The following SEMA3E variants were observed in gnomAD, a reference collection of about 807,000 sequenced individuals.
The protein encoded by SEMA3E is semaphorin 3E.
In SEMA3E, 49 loss-of-function variants were observed where a neutral mutation model predicts 93.6. That is an observed-to-expected ratio of 0.52 (90% CI 0.42 to 0.66). The LOEUF is 0.66. Ranked by LOEUF, SEMA3E falls within the 30% of genes least tolerant of loss-of-function variation. The pLI is 0.00. For synonymous variants in SEMA3E, 363 were observed against 330.7 expected, an observed-to-expected ratio of 1.10 and a Z score of -1.06; for missense variants, 906 against 964.8, an observed-to-expected ratio of 0.94 and a Z score of 0.81.
In SEMA3E at chr7:83,367,691, C is replaced by G; in HGVS notation, c.2223G>C (p.Lys741Asn). 1 of 1,614,060 alleles carries G rather than the reference C, an allele frequency of 6.2e-7. No homozygotes were observed. Reference protein sequence around the residue: ...KVWCTDRKRKKLKMSPSKWKY... With the variant: ...KVWCTDRKRKNLKMSPSKWKY... Reference sequence around the variant, plus strand: ...TCCACTTGGAGGGTGACATTTTAAGCTTTTTCCTCTTTCTATCTGTGCACC... The same window carrying G: ...TCCACTTGGAGGGTGACATTTTAAGGTTTTTCCTCTTTCTATCTGTGCACC... The change falls in exon 17 of 17, where the codon AAG becomes AAC. Residue 741 changes from lysine to asparagine, a missense_variant. Transcript: ENST00000643230.
intron 10 of SEMA3E, among the ~76,000 whole-genome samples, chr7:83,401,155 T>A (rs1239460696): frequency 3.9e-5 from 6 of 152,166 alleles, no homozygotes; most frequent in African/African-American, 1.2e-4. Flanking sequence ...TTTAAACTAC[T>A]GACTAAAAAA....
intron 1 of SEMA3E, among the ~76,000 whole-genome samples, chr7:83,645,006 T>C (rs1305089705): frequency 6.6e-6 from 1 of 151,970 alleles, no homozygotes; most frequent in Non-Finnish European, 1.5e-5. Context: ...GCTCCCATGA[T>C]TGAATTTCTG....
chr7:83,519,810 A>G (rs1440630989), intron 1 of SEMA3E, among the ~76,000 whole-genome samples: 1 of 152,136 alleles, frequency 6.6e-6, no homozygotes, highest in African/African-American at 2.4e-5. Flanking sequence ...ACCACATGGG[A>G]TATGTATCTT....
At chr7:83,376,020 A>T (rs966052796) in intron 16 of SEMA3E, among the ~76,000 whole-genome samples, 1 of 152,120 alleles carries the variant, frequency 6.6e-6, no homozygotes, top group Non-Finnish European at 1.5e-5. Context: ...GTAAATTCTG[A>T]ATATTTACCT....
At chr7:83,606,541 G>A (rs1042575108) in intron 1 of SEMA3E, among the ~76,000 whole-genome samples, 3 of 143,620 alleles carry the variant, frequency 2.1e-5, no homozygotes, top group Non-Finnish European at 3.0e-5. Context: ...ATATTCTCAC[G>A]CATAGGTGGG....
At chr7:83,569,294 C>T (rs1792226373) in intron 1 of SEMA3E, among the ~76,000 whole-genome samples, 1 of 113,842 alleles carries the variant, frequency 8.8e-6, no homozygotes, top group Non-Finnish European at 1.7e-5. Flanking sequence ...AGAACATACT[C>T]ATCCCATAGA....
intron 1 of SEMA3E, among the ~76,000 whole-genome samples, chr7:83,551,643 A>T (rs1191666053): frequency 6.6e-6 from 1 of 152,190 alleles, no homozygotes; most frequent in Non-Finnish European, 1.5e-5. Context: ...TAATTTACTC[A>T]TACTAAAACA....
At chr7:83,639,110 C>CAAAAAAAAAAAAAAAAAA (rs1172097095) in intron 1 of SEMA3E, among the ~76,000 whole-genome samples, 19 of 27,460 alleles carry the variant, frequency 6.9e-4, no homozygotes, top group Non-Finnish European at 1.1e-3. Context: ...GACTCCGTCT[C>CAAAAAAAAAAAAAAAAAA]AAAAAAAAAA....
Position 83,402,796 on chromosome 7 carries a change from T to A in SEMA3E, c.999-20A>T. 1 of 1,605,766 alleles carries A rather than the reference T, an allele frequency of 6.2e-7. No individual in the cohort carries two copies. The highest frequency in any genetic ancestry group is 8.5e-7 in the Non-Finnish European group (1 of 1,175,128). ...ATATTACTGAAAAATACAAAAAAGATAATTATTCTTCTGGAACTAACTGCA... is the reference window on the plus strand; with the variant it reads ...ATATTACTGAAAAATACAAAAAAGAAAATTATTCTTCTGGAACTAACTGCA... On this transcript the variant is annotated intron_variant, in intron 9 of 16. Coordinates refer to ENST00000643230, the MANE Select transcript of SEMA3E (RefSeq NM_012431.3).
intron 2 of SEMA3E, among the ~76,000 whole-genome samples, chr7:83,475,133 C>T (rs1674528424): frequency 6.6e-6 from 1 of 151,886 alleles, no homozygotes; most frequent in Non-Finnish European, 1.5e-5. Context: ...ACGGTTATTA[C>T]ATAACTTACG....
rs369854082 is a variant in SEMA3E at position 83,373,408 on chromosome 7, A to G, written c.1876-5370T>C. On this transcript the variant is annotated intron_variant, in intron 16 of 16. Transcript: ENST00000643230. ...ATTTTATACATATACACACATACAT[A>G]TGTATATATATTTATTTATTTTACT... 5.2e-4 allele frequency among the ~76,000 whole-genome samples: 79 copies of G among 152,224 alleles called. No individual in the cohort carries two copies. The Middle Eastern group carries it at 0.027, about 52-fold the overall frequency.
At chr7:83,539,843 G>A (rs1169205999) in intron 1 of SEMA3E, among the ~76,000 whole-genome samples, 1 of 90,132 alleles carries the variant, frequency 1.1e-5, no homozygotes, top group Non-Finnish European at 2.5e-5. Flanking sequence ...TTTTTGTTTT[G>A]TTTTGTTGTT....
intron 1 of SEMA3E, among the ~76,000 whole-genome samples, chr7:83,544,143 T>C (rs966791050): frequency 1.3e-5 from 2 of 152,116 alleles, no homozygotes; most frequent in Admixed American, 6.6e-5. Flanking sequence ...CATTGCCCAG[T>C]AGAAAATAAC....
intron 1 of SEMA3E, among the ~76,000 whole-genome samples, chr7:83,560,997 C>A (rs2115834294): frequency 6.6e-6 from 1 of 151,982 alleles, no homozygotes; most frequent in African/African-American, 2.4e-5. Flanking sequence ...CTGGAATTTA[C>A]TAATTTAGAA....
intron 4 of SEMA3E, 29 bp from the exon 5 acceptor site, chr7:83,418,512 G>A (rs1174271267): frequency 7.1e-7 from 1 of 1,407,218 alleles, no homozygotes; most frequent in South Asian, 1.2e-5. Context: ...AAATCATTAT[G>A]AATATGCCTC....
intron 2 of SEMA3E, among the ~76,000 whole-genome samples, chr7:83,471,370 G>A (rs1301493306): frequency 6.7e-6 from 1 of 148,988 alleles, no homozygotes; most frequent in East Asian, 2.0e-4. Flanking sequence ...CTCCTGTCAG[G>A]ATAAGACTGC....
At chr7:83,405,241 A>C (rs895797078) in intron 9 of SEMA3E, among the ~76,000 whole-genome samples, 1 of 152,094 alleles carries the variant, frequency 6.6e-6, no homozygotes, top group African/African-American at 2.4e-5. Flanking sequence ...CTATAAACAG[A>C]AACAAGATTT....
At chr7:83,468,226 G>A (rs1789814244) in intron 3 of SEMA3E, among the ~76,000 whole-genome samples, 1 of 152,176 alleles carries the variant, frequency 6.6e-6, no homozygotes, top group African/African-American at 2.4e-5. Context: ...ATTTCTTCAA[G>A]TTTGCATTCA....
chr7:83,425,745 G>T (rs539253952), intron 4 of SEMA3E, among the ~76,000 whole-genome samples: 1 of 151,982 alleles, frequency 6.6e-6, no homozygotes, highest in African/African-American at 2.4e-5. Flanking sequence ...TAAACAAGTC[G>T]GACCTAAATA....
Sources: allele counts gnomAD v4.1 joint callset (sites outside exome capture counted in the v4.1 genomes callset), GRCh38; gene constraint gnomAD v4.1.1; transcripts MANE v1.5; gene names NCBI Gene and HGNC (gene_info 2026-07-23, HGNC 2026-07-21).